Variants in NOL4 observed in about 807,000 individuals in gnomAD.
The protein encoded by NOL4 is nucleolar protein 4.
A neutral mutation model predicts 75.9 loss-of-function variants in NOL4; 17 were observed. The observed-to-expected ratio is 0.22, with a 90% CI of 0.15 to 0.34. NOL4 has a LOEUF of 0.34. Among genes scored for constraint, NOL4 ranks in the 10% least tolerant of loss-of-function variants. The pLI is 1.00. For missense variants in NOL4, 614 were observed against 793.5 expected (o/e 0.77, Z 2.72); for synonymous variants, 292 against 289.9 (o/e 1.01, Z -0.07).
At chr18:34,075,716 A>G (rs1320183090) in intron 5 of NOL4, among the ~76,000 whole-genome samples, 1 of 152,218 alleles carries the variant, frequency 6.6e-6, no homozygotes, top group Non-Finnish European at 1.5e-5. Flanking sequence ...GTCAAAACAC[A>G]TTCTCTTATG....
chr18:34,219,558 C>G (rs183303248), intron 1 of NOL4, among the ~76,000 whole-genome samples: 2 of 152,330 alleles, frequency 1.3e-5, no homozygotes, highest in Admixed American at 1.3e-4. Context: ...ACAAACTACA[C>G]TGGAACTACC....
chr18:34,073,668 G>C (rs1177958523), intron 5 of NOL4, among the ~76,000 whole-genome samples: 4 of 151,966 alleles, frequency 2.6e-5, no homozygotes, highest in African/African-American at 9.6e-5. Flanking sequence ...GGATGAAGAG[G>C]GCTGAATACT....
intron 8 of NOL4, among the ~76,000 whole-genome samples, chr18:33,944,010 A>T (rs1421561091): frequency 6.7e-6 from 1 of 149,844 alleles, no homozygotes; most frequent in East Asian, 1.9e-4. Flanking sequence ...CAACTGAAAG[A>T]TGAAATACTT....
At chr18:33,923,738 G>A (rs2145308926) in intron 9 of NOL4, among the ~76,000 whole-genome samples, 1 of 152,120 alleles carries the variant, frequency 6.6e-6, no homozygotes, top group South Asian at 2.1e-4. Flanking sequence ...ATGTATAGAG[G>A]TATATGCATA....
intron 9 of NOL4, among the ~76,000 whole-genome samples, chr18:33,903,528 T>G (rs2065863210): frequency 6.6e-6 from 1 of 152,156 alleles, no homozygotes; most frequent in African/African-American, 2.4e-5. Flanking sequence ...CCTGCCATTA[T>G]CTGACACCAA....
chr18:34,067,338 T>C (rs1161952896), intron 5 of NOL4, among the ~76,000 whole-genome samples: 2 of 152,162 alleles, frequency 1.3e-5, no homozygotes, highest in Admixed American at 1.3e-4. Flanking sequence ...GTTGTAGCTA[T>C]GCCATTTACA....
intron 10 of NOL4, among the ~76,000 whole-genome samples, chr18:33,865,240 G>A (rs2063376040): frequency 6.6e-6 from 1 of 151,988 alleles, no homozygotes; most frequent in Admixed American, 6.6e-5. Context: ...GGATACTCAA[G>A]TCCTTTATAT....
At chr18:34,001,869 T>G in intron 6 of NOL4, 1 of 152,302 alleles carries the variant, frequency 6.6e-6, no homozygotes. Flanking sequence ...AATACTGAAA[T>G]TAATCATAAT....
At chr18:33,907,794 G>T (rs866229595) in intron 9 of NOL4, among the ~76,000 whole-genome samples, 2 of 151,984 alleles carry the variant, frequency 1.3e-5, no homozygotes, top group South Asian at 2.1e-4. Context: ...ATTCATGTCT[G>T]GTACTTAACA....
intron 9 of NOL4, among the ~76,000 whole-genome samples, chr18:33,894,740 T>A (rs530425753): frequency 6.6e-6 from 1 of 152,262 alleles, no homozygotes; most frequent in South Asian, 2.1e-4. Context: ...CAATAAAGGT[T>A]TGATCTCACT....
chr18:34,162,252 G>A (rs2031605364), intron 1 of NOL4, among the ~76,000 whole-genome samples: 1 of 152,072 alleles, frequency 6.6e-6, no homozygotes, highest in African/African-American at 2.4e-5. Flanking sequence ...CAGAACTGAA[G>A]GAAATAGAGA....
At chr18:34,158,110 A>G (rs1022774300) in intron 1 of NOL4, among the ~76,000 whole-genome samples, 42 of 152,218 alleles carry the variant, frequency 2.8e-4, no homozygotes, top group Admixed American at 3.3e-4. Flanking sequence ...TTGCAGAACT[A>G]TGTAAGGAAA....
At chr18:34,222,892 G>A (rs2037423626) in intron 1 of NOL4, 98 bp downstream of exon 1, 1 of 1,494,736 alleles carries the variant, frequency 6.7e-7, no homozygotes, top group East Asian at 2.3e-5. Context: ...ACGAGCCAAC[G>A]GCGGCTCACG....
At chr18:33,897,270 T>C (rs1012895881) in intron 9 of NOL4, among the ~76,000 whole-genome samples, 2 of 152,158 alleles carry the variant, frequency 1.3e-5, no homozygotes, top group Non-Finnish European at 2.9e-5. Flanking sequence ...ACTGGGTATA[T>C]ACCAAGAGGA....
At chr18:34,114,029 C>A (rs1377620600) in intron 2 of NOL4, among the ~76,000 whole-genome samples, 3 of 152,060 alleles carry the variant, frequency 2.0e-5, no homozygotes, top group Non-Finnish European at 4.4e-5. Context: ...GCAAATAAAA[C>A]CTAGAAGGAA....
chr18:34,216,153 G>T (rs1406257854), intron 1 of NOL4, among the ~76,000 whole-genome samples: 1 of 152,004 alleles, frequency 6.6e-6, no homozygotes, highest in African/African-American at 2.4e-5. Context: ...CATAAACAGG[G>T]GCACAGTTAC....
rs184522318 is a variant in NOL4 at position 33,900,652 on chromosome 18, T to G, written c.1543-17228A>C. Among the ~76,000 whole-genome samples, 177 of 152,304 alleles carry G rather than the reference T, an allele frequency of 1.2e-3. 1 individual carries two copies. Among genetic ancestry groups the G allele is most frequent in the Non-Finnish European group, 6.5e-4 (44 of 68,024 alleles). On this transcript the variant is annotated intron_variant, in intron 9 of 10. Transcript: ENST00000261592. ...AAACAGGTTTTTAAAAAAATTAAACTGCCATGAAAACTGTTTTACCCATAA... is the reference window on the plus strand; with the variant it reads ...AAACAGGTTTTTAAAAAAATTAAACGGCCATGAAAACTGTTTTACCCATAA...
chr18:34,187,676 G>A (rs1002692208), intron 1 of NOL4, among the ~76,000 whole-genome samples: 2 of 152,046 alleles, frequency 1.3e-5, no homozygotes, highest in Non-Finnish European at 2.9e-5. Flanking sequence ...GTGAGCCACC[G>A]CGCCCGGCCA....
chr18:33,934,810 G>C (rs1017186049), intron 9 of NOL4, among the ~76,000 whole-genome samples: 1 of 150,152 alleles, frequency 6.7e-6, no homozygotes, highest in Non-Finnish European at 1.5e-5. Flanking sequence ...CTCCATAACA[G>C]TAATAAGGCC....
Sources: allele counts gnomAD v4.1 joint callset (sites outside exome capture counted in the v4.1 genomes callset), GRCh38; gene constraint gnomAD v4.1.1; transcripts MANE v1.5; gene names NCBI Gene and HGNC (gene_info 2026-07-23, HGNC 2026-07-21).